PHLPP1: variants seen among roughly 807,000 people sequenced by gnomAD.
PHLPP1 encodes the protein PH domain and leucine rich repeat protein phosphatase 1.
PHLPP1 carries 42 observed loss-of-function variants against 117.2 expected under a neutral mutation model. The observed-to-expected ratio is 0.36, with a 90% confidence interval of 0.28 to 0.46. The LOEUF is 0.46. Among genes scored for constraint, PHLPP1 ranks in the 20% least tolerant of loss-of-function variants. PHLPP1 has a pLI of 1.00. For missense variants in PHLPP1, 2,084 were observed against 2,241.9 expected (o/e 0.93, Z 1.42); for synonymous variants, 1,042 against 970.7 (o/e 1.07, Z -1.37).
At chr18:62,881,265 T>G (rs898988639) in intron 4 of PHLPP1, among the ~76,000 whole-genome samples, 1 of 151,764 alleles carries the variant, frequency 6.6e-6, no homozygotes, top group African/African-American at 2.4e-5. Flanking sequence ...TAATAAAGGG[T>G]TTTTTTTAAT....
rs1910736127 is a variant in PHLPP1, at chr18:62,716,421, G to A, written c.738G>A (p.Lys246=). The change falls in exon 1 of 17, where the codon AAG becomes AAA. Residue 246 remains lysine (K), a synonymous_variant. Coordinates refer to ENST00000262719, the MANE Select transcript of PHLPP1 (RefSeq NM_194449.4). This position sits in a 1 kb window ranked among gnomAD's most constrained non-coding sequence, Gnocchi z 5.7. ...QLGHKGGGVV[K]VLGQGPGAAA... ...GCCACAAAGGCGGCGGCGTGGTGAAGGTGCTGGGCCAGGGGCCCGGAGCCG... is the reference window on the plus strand; with the variant it reads ...GCCACAAAGGCGGCGGCGTGGTGAAAGTGCTGGGCCAGGGGCCCGGAGCCG... 3 of 1,444,578 alleles carry A rather than the reference G, an allele frequency of 2.1e-6. No individual in the cohort carries two copies. Among genetic ancestry groups the A allele is most frequent in the Non-Finnish European group, 2.7e-6 (3 of 1,100,206 alleles). The allele number at this position is 1,444,578 out of a possible 1,614,324, so 89.5% of individuals were successfully genotyped here. A position where few individuals can be genotyped will look rare whatever the true frequency, so the allele number is the denominator to read the frequency against.
intron 1 of PHLPP1, among the ~76,000 whole-genome samples, chr18:62,727,303 C>A (rs1184323028): frequency 6.6e-6 from 1 of 150,470 alleles, no homozygotes; most frequent in Non-Finnish European, 1.5e-5. Context: ...TGTGTTCTTT[C>A]TTCACTGATT....
intron 3 of PHLPP1, among the ~76,000 whole-genome samples, chr18:62,844,918 C>A (rs1047680409): frequency 2.0e-5 from 3 of 152,188 alleles, no homozygotes; most frequent in African/African-American, 7.2e-5. Flanking sequence ...TACTACATGG[C>A]ACATTTCTAA....
At chr18:62,892,946 C>T (rs998904187) in intron 4 of PHLPP1, among the ~76,000 whole-genome samples, 2 of 151,944 alleles carry the variant, frequency 1.3e-5, no homozygotes, top group Non-Finnish European at 2.9e-5. Context: ...TCTGGGGTCC[C>T]CCAAGCATGC....
chr18:62,765,728 G>A (rs1912450536), intron 1 of PHLPP1, among the ~76,000 whole-genome samples: 1 of 152,128 alleles, frequency 6.6e-6, no homozygotes, highest in Non-Finnish European at 1.5e-5. Context: ...GGGCGCAGTG[G>A]CTCACGCCTG....
At chr18:62,922,055 C>T (rs539552903) in intron 10 of PHLPP1, among the ~76,000 whole-genome samples, 3 of 152,282 alleles carry the variant, frequency 2.0e-5, no homozygotes, top group Non-Finnish European at 4.4e-5. Flanking sequence ...TGTCATCCTC[C>T]TGGTAAAAAG....
chr18:62,740,025 G>A (rs1911476529), intron 1 of PHLPP1, among the ~76,000 whole-genome samples: 2 of 152,174 alleles, frequency 1.3e-5, no homozygotes, highest in Non-Finnish European at 2.9e-5. Context: ...GGGGACAAAG[G>A]AGAGGTGGAG....
chr18:62,893,462 T>G (rs1916476477), intron 4 of PHLPP1, among the ~76,000 whole-genome samples: 1 of 152,224 alleles, frequency 6.6e-6, no homozygotes, highest in East Asian at 1.9e-4. Context: ...TAAAATACAA[T>G]TAAGTCTATT....
At position 62,895,774 on chromosome 18, in the gene PHLPP1, C is replaced by A. The variant is rs911100004; in HGVS notation, c.2214-7C>A. The A allele has an allele frequency of 3.3e-6, 5 of 1,530,510 alleles. No individual in the cohort carries two copies. The highest frequency in any genetic ancestry group is 1.4e-5 in the African/African-American group (1 of 73,226). 94.8% of individuals were successfully genotyped at this position (1,530,510 alleles called of 1,614,324 possible). A position where few individuals can be genotyped will look rare whatever the true frequency, so the allele number is the denominator to read the frequency against. ...TCTCTTTGTAATTCTTATGTTTTCTCTAATAGCTTACAGACATTTTTGTTG... is the reference window on the plus strand; with the variant it reads ...TCTCTTTGTAATTCTTATGTTTTCTATAATAGCTTACAGACATTTTTGTTG... On this transcript the variant is annotated splice_polypyrimidine_tract_variant and splice_region_variant and intron_variant, in intron 5 of 16. Coordinates refer to ENST00000262719, the MANE Select transcript of PHLPP1 (RefSeq NM_194449.4).
intron 9 of PHLPP1, among the ~76,000 whole-genome samples, chr18:62,916,997 G>A (rs1195621143): frequency 1.3e-5 from 2 of 149,836 alleles, no homozygotes; most frequent in African/African-American, 4.9e-5. Flanking sequence ...CAGGTGATCC[G>A]CCTGCCTCAG....
At chr18:62,876,459 T>C (rs1205758883) in intron 4 of PHLPP1, among the ~76,000 whole-genome samples, 1 of 152,222 alleles carries the variant, frequency 6.6e-6, no homozygotes, top group African/African-American at 2.4e-5. Context: ...GTTCACTTTT[T>C]AAATATTTTT....
chr18:62,723,480 C>T (rs891324857), intron 1 of PHLPP1, among the ~76,000 whole-genome samples: 2 of 152,202 alleles, frequency 1.3e-5, no homozygotes, highest in African/African-American at 4.8e-5. Flanking sequence ...GTTTTTCTCA[C>T]ATTCTGTTTA....
chr18:62,771,225 A>G (rs917292710), intron 1 of PHLPP1, among the ~76,000 whole-genome samples: 1 of 151,922 alleles, frequency 6.6e-6, no homozygotes. Context: ...AAAAAAAAAA[A>G]AAAAAGAAAG....
At chr18:62,818,351 C>T (rs999575669) in intron 1 of PHLPP1, among the ~76,000 whole-genome samples, 2 of 151,814 alleles carry the variant, frequency 1.3e-5, no homozygotes, top group African/African-American at 4.8e-5. Flanking sequence ...GTCAACATGG[C>T]GAAACCCCGT....
intron 1 of PHLPP1, among the ~76,000 whole-genome samples, chr18:62,784,622 T>C (rs1477773705): frequency 6.6e-6 from 1 of 152,280 alleles, no homozygotes; most frequent in Non-Finnish European, 1.5e-5. Flanking sequence ...TTATCACTAA[T>C]AAAACCTCAT....
chr18:62,824,305 G>GAAA, intron 1 of PHLPP1: 3 of 317,862 alleles, frequency 9.4e-6, no homozygotes, highest in African/African-American at 2.4e-5. Flanking sequence ...CATCAAAATA[G>GAAA]AAAAAAAAAA....
chr18:62,914,947 G>A lies in PHLPP1; in HGVS notation c.2743G>A (p.Glu915Lys). Reference sequence around the variant, plus strand: ...AGAAAATGTGCCTGAGTGGGTATGTGAAAGCCGAAAGCTAGAAGTTTTGGA... The same window carrying A: ...AGAAAATGTGCCTGAGTGGGTATGTAAAAGCCGAAAGCTAGAAGTTTTGGA... ...RLENVPEWVC[E>K]SRKLEVLDIG... Residue 915 changes from glutamate (E) to lysine (K), a missense_variant, in exon 9 of 17, where the codon GAA becomes AAA. This residue lies in a region of PHLPP1 where 1,365 missense variants were observed against 1,605.9 expected (regional missense o/e 0.85). Coordinates refer to ENST00000262719, the MANE Select transcript of PHLPP1 (RefSeq NM_194449.4). 3 of 1,613,800 alleles carry A rather than the reference G, an allele frequency of 1.9e-6. No homozygotes were observed. The highest frequency in any genetic ancestry group is 2.5e-6 in the Non-Finnish European group (3 of 1,179,770).
chr18:62,855,417 G>A (rs989265734), intron 3 of PHLPP1, among the ~76,000 whole-genome samples: 14 of 152,096 alleles, frequency 9.2e-5, no homozygotes, highest in African/African-American at 3.4e-4. Context: ...GTGCTTTCCT[G>A]GTTCTTAACT....
chr18:62,894,438 C>T (rs1599107231), intron 4 of PHLPP1, among the ~76,000 whole-genome samples: 1 of 152,098 alleles, frequency 6.6e-6, no homozygotes, highest in Non-Finnish European at 1.5e-5. Context: ...CTCAAGTGAT[C>T]CACTCATCTC....
Sources: gnomAD v4.1 joint callset for allele counts (sites outside exome capture counted in the v4.1 genomes callset) on GRCh38, gnomAD v4.1.1 for gene constraint, gnomAD v4.1.1 regional missense constraint, Gnocchi (gnomAD v3.1) non-coding constraint, MANE v1.5 for transcripts, NCBI Gene and HGNC (gene_info 2026-07-23, HGNC 2026-07-21) for gene names.